PXN: variants seen among roughly 807,000 people sequenced by gnomAD.
The protein encoded by PXN is testicular tissue protein Li 134.
A neutral mutation model predicts 103.6 loss-of-function variants in PXN; 61 were observed. That is an observed-to-expected ratio of 0.59 (90% CI 0.48 to 0.73). The LOEUF (loss-of-function observed/expected upper bound fraction) is 0.73, where lower values mean the gene tolerates loss of function less well. Ranked by LOEUF, PXN falls within the 30% of genes least tolerant of loss-of-function variation. The pLI is 0.00. For missense variants in PXN, 1,274 were observed against 1,460.3 expected (o/e 0.87, Z 2.08); for synonymous variants, 562 against 607.8 (o/e 0.92, Z 1.11).
In PXN at chr12:120,216,582, C is replaced by G; in HGVS notation, c.1993-1G>C. ...TGGGAGAGCCAGGAGGGAAGACAAC[C>G]TGGGGAGAAGAAAGGAGGGAGAGCG... On this transcript the variant is annotated splice_acceptor_variant, in intron 8 of 14. Transcript: ENST00000637617. LOFTEE classifies it high-confidence loss of function. This position sits in a 1 kb window ranked among gnomAD's most constrained non-coding sequence, Gnocchi z 5.1. 3.5e-6 allele frequency: 5 copies of G among 1,447,392 alleles called. No individual in the cohort carries two copies. Among genetic ancestry groups the G allele is most frequent in the South Asian group, 1.4e-5 (1 of 72,348 alleles). 89.7% of individuals were successfully genotyped at this position (1,447,392 alleles called of 1,614,324 possible). A position where few individuals can be genotyped will look rare whatever the true frequency, so the allele number is the denominator to read the frequency against.
intron 1 of PXN, among the ~76,000 whole-genome samples, chr12:120,262,159 C>T (rs1253485423): frequency 1.3e-5 from 2 of 152,140 alleles, no homozygotes; most frequent in Non-Finnish European, 2.9e-5. Context: ...AACTCCTCTG[C>T]CCCCCTAGCA....
In PXN at chr12:120,210,839, A is replaced by C. The variant is rs1879999152; in HGVS notation, c.*1475T>G. ...GAGCCCAAGGCCTGGCTCCTCTTTC[A>C]TCCTTGGTAAAGAGCTCTGGGGGGT... On this transcript the variant is annotated 3_prime_UTR_variant, in exon 15 of 15. Coordinates refer to ENST00000637617, the MANE Select transcript of PXN (RefSeq NM_001385981.1). 1 of 152,582 alleles carries C rather than the reference A, an allele frequency of 6.6e-6. No individual in the cohort carries two copies. The highest frequency in any genetic ancestry group is 2.4e-5 in the African/African-American group (1 of 41,420). 9.5% of individuals were successfully genotyped at this position (152,582 alleles called of 1,614,324 possible).
chr12:120,264,626 G>GA, intron 1 of PXN, among the ~76,000 whole-genome samples: 1 of 152,330 alleles, frequency 6.6e-6, no homozygotes, highest in Admixed American at 6.5e-5. Context: ...CCAATAACAG[G>GA]AAAACAGTAA....
intron 1 of PXN, among the ~76,000 whole-genome samples, chr12:120,231,066 G>A (rs189206664): frequency 3.9e-5 from 6 of 152,324 alleles, no homozygotes; most frequent in African/African-American, 1.4e-4. Context: ...AGTGAGCAGA[G>A]CAAACAGCCA....
chr12:120,253,387 T>G (rs1157163367), intron 1 of PXN, among the ~76,000 whole-genome samples: 1 of 151,990 alleles, frequency 6.6e-6, no homozygotes, highest in African/African-American at 2.4e-5. Flanking sequence ...ACAGGAGAAT[T>G]GCTTGAACCC....
chr12:120,222,867 A>C lies in PXN; in HGVS notation c.489T>G (p.Pro163=). 1 of 1,613,726 alleles carries C rather than the reference A, an allele frequency of 6.2e-7. No individual in the cohort carries two copies. Among genetic ancestry groups the C allele is most frequent in the Non-Finnish European group, 8.5e-7 (1 of 1,179,740 alleles). ...GCCCCAGGGACCCGGTCCTACCTGC[A>C]GGGAAGCCTGGCGGGTTATGCTGTA... ...NAVQHNPPGF[P]ADEANSSPPL... is the part of the protein sequence containing the mutation. The change falls in exon 4 of 15, where the codon CCT becomes CCG. Residue 163 remains proline, a synonymous_variant. Transcript: ENST00000637617. The surrounding 1 kb of genome is among the most constrained non-coding windows in gnomAD (Gnocchi z 4.7).
In PXN at chr12:120,219,152, C is replaced by T; in HGVS notation, c.1716+55G>A. On this transcript the variant is annotated intron_variant, in intron 7 of 14. Coordinates refer to ENST00000637617, the MANE Select transcript of PXN (RefSeq NM_001385981.1). This position sits in a 1 kb window ranked among gnomAD's most constrained non-coding sequence, Gnocchi z 6.5. Reference sequence around the variant, plus strand: ...CTGCATGCAGTTAGCGAGGAGCGGCCCACACTCAGACCCGCCAATGGCCAT... The same window carrying T: ...CTGCATGCAGTTAGCGAGGAGCGGCTCACACTCAGACCCGCCAATGGCCAT... The T allele has an allele frequency of 8.2e-6, 12 of 1,458,218 alleles. No individual in the cohort carries two copies. The highest frequency in any genetic ancestry group is 1.1e-5 in the Non-Finnish European group (12 of 1,101,968). 90.3% of individuals were successfully genotyped at this position (1,458,218 alleles called of 1,614,324 possible). A position where few individuals can be genotyped will look rare whatever the true frequency, so the allele number is the denominator to read the frequency against.
chr12:120,264,482 C>T (rs996032457), intron 1 of PXN, among the ~76,000 whole-genome samples: 5 of 152,218 alleles, frequency 3.3e-5, no homozygotes, highest in African/African-American at 1.2e-4. Flanking sequence ...CCTCCCACTC[C>T]TGCGTTCACG....
intron 1 of PXN, among the ~76,000 whole-genome samples, chr12:120,262,960 A>T (rs890393845): frequency 6.6e-6 from 1 of 152,330 alleles, no homozygotes; most frequent in East Asian, 1.9e-4. Flanking sequence ...TAAGCAGCAC[A>T]TGGTGAGTCT....
intron 1 of PXN, among the ~76,000 whole-genome samples, chr12:120,236,929 C>G (rs1303400395): frequency 6.6e-6 from 1 of 151,970 alleles, no homozygotes; most frequent in Non-Finnish European, 1.5e-5. Context: ...CTCAGCCTCC[C>G]AAGTCATGAG....
intron 1 of PXN, chr12:120,226,454 A>C: frequency 7.8e-7 from 1 of 1,287,464 alleles, no homozygotes; most frequent in Non-Finnish European, 1.0e-6. Flanking sequence ...ATGAAGTGAC[A>C]ATGCTGGACT....
At chr12:120,261,273 C>G (rs1893842459) in intron 1 of PXN, among the ~76,000 whole-genome samples, 1 of 152,188 alleles carries the variant, frequency 6.6e-6, no homozygotes, top group African/African-American at 2.4e-5. Context: ...TTACTGCAAT[C>G]TCTGCCTCCC....
chr12:120,227,057 T>C, intron 1 of PXN: 4 of 986,246 alleles, frequency 4.1e-6, no homozygotes, highest in Non-Finnish European at 4.8e-6. Flanking sequence ...AAGTACTAAC[T>C]TCTTCTAAGT....
rs568409005 is a variant in PXN at position 120,247,047 on chromosome 12, AAAG to A, written c.13+18567_13+18569del. On this transcript the variant is annotated intron_variant, in intron 1 of 14. Transcript: ENST00000637617. ...TCTCTATAAAAAAAAATTTTAAAAAAAAGAAGGCTAGAAAAGAAGAAAGAATAA... is the reference window on the plus strand; with the variant it reads ...TCTCTATAAAAAAAAATTTTAAAAAAAAGGCTAGAAAAGAAGAAAGAATAA... Among the ~76,000 whole-genome samples, 503 of 147,736 alleles carry A rather than the reference AAAG, an allele frequency of 3.4e-3. 4 individuals carry two copies. Among genetic ancestry groups the A allele is most frequent in the African/African-American group, 0.013 (482 of 37,238 alleles).
chr12:120,263,326 C>T (rs138690200), intron 1 of PXN, among the ~76,000 whole-genome samples: 172 of 152,314 alleles, frequency 1.1e-3, no homozygotes, highest in Non-Finnish European at 2.0e-3. Context: ...GTCAGTCAGG[C>T]GTGGCTTGCC....
At chr12:120,226,182 A>G (rs1460771922) in intron 1 of PXN, 1 of 1,217,950 alleles carries the variant, frequency 8.2e-7, no homozygotes, top group Non-Finnish European at 1.0e-6. Context: ...CAGTGTCCTC[A>G]TTTCCTCTGG....
chr12:120,220,490 C>T lies in PXN; in HGVS notation c.832-399G>A, dbSNP rs1359909013. 3.3e-5 allele frequency among the ~76,000 whole-genome samples: 5 copies of T among 152,166 alleles called. No homozygotes were observed. The highest frequency in any genetic ancestry group is 5.9e-5 in the Non-Finnish European group (4 of 68,026). ...CTGGCCCAACTCGGCCATGTCCCTC[C>T]GGACAATCCCAGCTTTCCTACACCC... On this transcript the variant is annotated intron_variant, in intron 6 of 14. Coordinates refer to ENST00000637617, the MANE Select transcript of PXN (RefSeq NM_001385981.1). The surrounding 1 kb of genome is among the most constrained non-coding windows in gnomAD (Gnocchi z 6.1).
intron 1 of PXN, among the ~76,000 whole-genome samples, chr12:120,233,930 A>G (rs1206628277): frequency 6.6e-6 from 1 of 152,256 alleles, no homozygotes; most frequent in South Asian, 2.1e-4. Flanking sequence ...AAGGATATCC[A>G]TACCCCCAGG....
chr12:120,227,633 T>A (rs946041840), intron 1 of PXN, among the ~76,000 whole-genome samples: 1 of 152,178 alleles, frequency 6.6e-6, no homozygotes, highest in African/African-American at 2.4e-5. Flanking sequence ...CCACAGGGTC[T>A]CTGGTATGGC....
Sources: gnomAD v4.1 joint callset for allele counts (sites outside exome capture counted in the v4.1 genomes callset) on GRCh38, gnomAD v4.1.1 for gene constraint, Gnocchi (gnomAD v3.1) non-coding constraint, MANE v1.5 for transcripts, NCBI Gene and HGNC (gene_info 2026-07-23, HGNC 2026-07-21) for gene names.